Variants in IMMP2L observed in about 807,000 individuals in gnomAD.
The protein encoded by IMMP2L is inner mitochondrial membrane peptidase subunit 2, also known as mitochondrial inner membrane protease subunit 2.
IMMP2L carries 18 observed loss-of-function variants against 19.3 expected under a neutral mutation model. The ratio of observed to expected loss-of-function variants is 0.93; its 90% CI spans 0.64 to 1.38. The LOEUF is 1.38. Among genes scored for constraint, IMMP2L ranks in the 40% most tolerant of loss-of-function variants. The pLI is 0.00. For synonymous variants in IMMP2L, 76 were observed against 73.0 expected (o/e 1.04, Z -0.21); for missense variants, 233 against 218.2 (o/e 1.07, Z -0.43).
chr7:111,264,914 C>T (rs1371409907), intron 3 of IMMP2L, among the ~76,000 whole-genome samples: 2 of 152,022 alleles, frequency 1.3e-5, no homozygotes, highest in Non-Finnish European at 2.9e-5. Flanking sequence ...ATACTGAATT[C>T]CCCCTATTAA....
At chr7:110,689,944 A>T (rs1793378088) in intron 5 of IMMP2L, among the ~76,000 whole-genome samples, 1 of 152,180 alleles carries the variant, frequency 6.6e-6, no homozygotes, top group Admixed American at 6.6e-5. Flanking sequence ...TTCACAGTAT[A>T]TATCTTTTCT....
In IMMP2L at chr7:110,802,331, A is replaced by ATG. The variant is rs10545848; in HGVS notation, c.408+84260_408+84261dup. ...ACAGTGTGTATGTGTGTATGTGTGT[A>ATG]TGTGTGTGTGTGTGTGTGTGTGTGT... On this transcript the variant is annotated intron_variant, in intron 5 of 5. Transcript: ENST00000405709. Among the ~76,000 whole-genome samples the ATG allele has an allele frequency of 2.6e-3, 378 of 147,072 alleles. 1 individual carries two copies. The highest frequency in any genetic ancestry group is 4.7e-3 in the Admixed American group (69 of 14,774).
At chr7:111,111,353 T>C (rs113510660) in intron 3 of IMMP2L, among the ~76,000 whole-genome samples, 2 of 147,268 alleles carry the variant, frequency 1.4e-5, no homozygotes, top group Admixed American at 6.8e-5. Context: ...ACATTGCCCA[T>C]TAACAAAAAT....
At chr7:111,007,025 T>A (rs1824362534) in intron 3 of IMMP2L, among the ~76,000 whole-genome samples, 2 of 152,134 alleles carry the variant, frequency 1.3e-5, no homozygotes, top group Non-Finnish European at 2.9e-5. Flanking sequence ...TTCACTCTGC[T>A]ATAAAGAATT....
intron 5 of IMMP2L, among the ~76,000 whole-genome samples, chr7:110,736,566 C>T (rs1025636522): frequency 2.6e-5 from 4 of 152,170 alleles, no homozygotes; most frequent in Admixed American, 2.6e-4. Flanking sequence ...TTTGCGGACC[C>T]AACTTCCACC....
intron 3 of IMMP2L, among the ~76,000 whole-genome samples, chr7:111,036,537 G>C (rs1455620451): frequency 6.6e-6 from 1 of 152,012 alleles, no homozygotes; most frequent in Non-Finnish European, 1.5e-5. Flanking sequence ...TAGATTATAA[G>C]CATCAGGATC....
chr7:111,378,320 G>T (rs183080120), intron 3 of IMMP2L, among the ~76,000 whole-genome samples: 45 of 151,984 alleles, frequency 3.0e-4, no homozygotes, highest in African/African-American at 1.1e-3. Flanking sequence ...CACCCAAAAA[G>T]TTTATAGCTT....
intron 3 of IMMP2L, among the ~76,000 whole-genome samples, chr7:111,226,066 C>T (rs1426228437): frequency 2.0e-5 from 3 of 152,024 alleles, no homozygotes; most frequent in Non-Finnish European, 1.5e-5. Context: ...CTAAAGCTAT[C>T]CTTGAAAAGA....
At chr7:111,227,651 T>C (rs1184333067) in intron 3 of IMMP2L, among the ~76,000 whole-genome samples, 1 of 152,140 alleles carries the variant, frequency 6.6e-6, no homozygotes, top group Non-Finnish European at 1.5e-5. Context: ...GCTACTCCCA[T>C]ACTCTGCATA....
Position 111,132,391 on chromosome 7 carries a change from G to A in IMMP2L, c.240-168826C>T, listed in dbSNP as rs1014310635. Among the ~76,000 whole-genome samples, 6 of 152,026 alleles carry A rather than the reference G, an allele frequency of 3.9e-5. No individual in the cohort carries two copies. In the South Asian group the frequency reaches 6.2e-4, roughly 16 times the overall value. On this transcript the variant is annotated intron_variant, in intron 3 of 5. Transcript: ENST00000405709. Reference sequence around the variant, plus strand: ...TGTTTAACCTGCTTGCCAACTCTCCGATTACACTTATCATGCACAATAACT... The same window carrying A: ...TGTTTAACCTGCTTGCCAACTCTCCAATTACACTTATCATGCACAATAACT...
intron 3 of IMMP2L, among the ~76,000 whole-genome samples, chr7:111,405,898 T>TCACAATA (rs1481126654): frequency 6.6e-5 from 10 of 152,098 alleles, no homozygotes; most frequent in African/African-American, 2.4e-4. Flanking sequence ...ACAGCTCCTT[T>TCACAATA]CACAATACAA....
At chr7:111,176,803 C>CA (rs144820382) in intron 3 of IMMP2L, among the ~76,000 whole-genome samples, 27 of 151,706 alleles carry the variant, frequency 1.8e-4, no homozygotes, top group Middle Eastern at 3.4e-3. Flanking sequence ...GAACCATAAA[C>CA]AAAAAATAAA....
At chr7:111,013,480 G>A (rs150774640) in intron 3 of IMMP2L, among the ~76,000 whole-genome samples, 23 of 152,234 alleles carry the variant, frequency 1.5e-4, no homozygotes, top group African/African-American at 5.1e-4. Flanking sequence ...GATGGGAGGT[G>A]TGAGGGAGAT....
At chr7:111,313,083 G>C (rs1296441526) in intron 3 of IMMP2L, among the ~76,000 whole-genome samples, 1 of 152,080 alleles carries the variant, frequency 6.6e-6, no homozygotes, top group Non-Finnish European at 1.5e-5. Context: ...GTGCCACTGG[G>C]AATGCTCTGT....
At position 111,285,157 on chromosome 7, in the gene IMMP2L, T is replaced by C. The variant is rs142392557; in HGVS notation, c.239+202081A>G. Among the ~76,000 whole-genome samples the C allele has an allele frequency of 3.6e-3, 541 of 152,114 alleles. 7 individuals carry two copies. The highest frequency in any genetic ancestry group is 0.012 in the African/African-American group (488 of 41,478). On this transcript the variant is annotated intron_variant, in intron 3 of 5. Coordinates refer to ENST00000405709, the MANE Select transcript of IMMP2L (RefSeq NM_032549.4). ...TAGCTTACCCTATGACATGAAACAG[T>C]GTGGCATATGAGGAGGAAATGAAGG... is the stretch of plus-strand genomic sequence containing the variant.
chr7:111,011,924 T>G (rs1825003255), intron 3 of IMMP2L, among the ~76,000 whole-genome samples: 1 of 152,086 alleles, frequency 6.6e-6, no homozygotes, highest in Non-Finnish European at 1.5e-5. Context: ...CATCCTGTAT[T>G]TCTCTCTGGG....
chr7:110,681,123 A>C (rs1336207349), intron 5 of IMMP2L, among the ~76,000 whole-genome samples: 3 of 152,108 alleles, frequency 2.0e-5, no homozygotes, highest in African/African-American at 7.2e-5. Context: ...TACTGGTGAA[A>C]GAATAATGTT....
chr7:110,845,818 G>A (rs1296967844), intron 5 of IMMP2L, among the ~76,000 whole-genome samples: 1 of 152,130 alleles, frequency 6.6e-6, no homozygotes, highest in Non-Finnish European at 1.5e-5. Flanking sequence ...ATTAGGTCAT[G>A]AGAGTGGAGC....
At chr7:110,779,954 A>T (rs980907717) in intron 5 of IMMP2L, among the ~76,000 whole-genome samples, 2 of 151,900 alleles carry the variant, frequency 1.3e-5, no homozygotes, top group African/African-American at 4.8e-5. Flanking sequence ...GTTGGCTATA[A>T]AAGAAATAAA....
Sources: allele counts gnomAD v4.1 joint callset (sites outside exome capture counted in the v4.1 genomes callset), GRCh38; gene constraint gnomAD v4.1.1; transcripts MANE v1.5; gene names NCBI Gene and HGNC (gene_info 2026-07-23, HGNC 2026-07-21).